KDM7A: variants seen among roughly 807,000 people sequenced by gnomAD.
The protein encoded by KDM7A is lysine-specific demethylase 7A.
A neutral mutation model predicts 114.8 loss-of-function variants in KDM7A; 28 were observed. The ratio of observed to expected loss-of-function variants is 0.24; its 90% CI spans 0.18 to 0.33. The LOEUF is 0.33. KDM7A is among the 10% of genes least tolerant of loss of function. The pLI, the probability that KDM7A is intolerant of heterozygous loss-of-function variation, is 1.00. For synonymous variants in KDM7A, 423 were observed against 397.8 expected (o/e 1.06, Z -0.75); for missense variants, 942 against 1,142.5 (o/e 0.82, Z 2.53).
In KDM7A at chr7:140,113,540, T is replaced by G. The variant is rs1180374158; in HGVS notation, c.1289A>C (p.Gln430Pro). ...AGCAGTATGCAGTGCTTTCACTCCCTGTACTAGGTAAGTTTGAGGCTGGAA... is the reference window on the plus strand; with the variant it reads ...AGCAGTATGCAGTGCTTTCACTCCCGGTACTAGGTAAGTTTGAGGCTGGAA... ...DGFQPQTYLV[Q>P]GVKALHTALK... is the part of the protein sequence containing the mutation. The change falls in exon 10 of 20, where the codon CAG (glutamine) becomes CCG (proline). Residue 430 changes from glutamine to proline, a missense_variant. By Grantham distance (76) the Gln-to-Pro change is moderately conservative (BLOSUM62 -1). Around this residue, in one of 4 missense-constraint regions of KDM7A, gnomAD observed 318 missense variants for 453.1 expected, o/e 0.70. Transcript: ENST00000397560. The G allele has an allele frequency of 6.2e-7, 1 of 1,608,196 alleles. No individual in the cohort carries two copies. Among genetic ancestry groups the G allele is most frequent in the Non-Finnish European group, 8.5e-7 (1 of 1,175,720 alleles).
chr7:140,139,040 A>T, intron 2 of KDM7A, 65 bp downstream of exon 2: 1 of 976,210 alleles, frequency 1.0e-6, no homozygotes, highest in Non-Finnish European at 1.6e-6. Context: ...ATTACCATGT[A>T]CATGTAAGTT....
At chr7:140,145,788 A>G (rs1454582550) in intron 1 of KDM7A, among the ~76,000 whole-genome samples, 1 of 152,198 alleles carries the variant, frequency 6.6e-6, no homozygotes, top group Admixed American at 6.5e-5. Context: ...TGACTGTGAC[A>G]CCAAAAGAAT....
In KDM7A at chr7:140,085,805, C is replaced by T. The variant is rs1204774302; in HGVS notation, c.*5289G>A. The T allele has an allele frequency of 6.6e-6, 1 of 152,092 alleles. No individual in the cohort carries two copies. Among genetic ancestry groups the T allele is most frequent in the Non-Finnish European group, 1.5e-5 (1 of 68,006 alleles). The allele number at this position is 152,092 out of a possible 1,614,324, so 9.4% of individuals were successfully genotyped here. A position where few individuals can be genotyped will look rare whatever the true frequency, so the allele number is the denominator to read the frequency against. Reference sequence around the variant, plus strand: ...ACTGTAATGTGGAAGTTATACGTAGCTCTGTAAAAATAAAAGGTTACTTAT... The same window carrying T: ...ACTGTAATGTGGAAGTTATACGTAGTTCTGTAAAAATAAAAGGTTACTTAT... On this transcript the variant is annotated 3_prime_UTR_variant, in exon 20 of 20. Transcript: ENST00000397560.
intron 6 of KDM7A, 43 bp downstream of exon 6, chr7:140,126,594 T>A (rs780881167): frequency 1.2e-5 from 15 of 1,279,044 alleles, no homozygotes; most frequent in Non-Finnish European, 1.5e-5. Flanking sequence ...ACTAGGGCTA[T>A]ATGTTTTTGT....
intron 1 of KDM7A, among the ~76,000 whole-genome samples, chr7:140,157,845 T>C (rs756723178): frequency 9.9e-5 from 15 of 151,162 alleles, no homozygotes; most frequent in Non-Finnish European, 2.2e-4. Context: ...GGCACACGCC[T>C]GTAATCCCAG....
At chr7:140,124,024 C>T (rs1230720495) in intron 7 of KDM7A, among the ~76,000 whole-genome samples, 3 of 149,366 alleles carry the variant, frequency 2.0e-5, no homozygotes, top group African/African-American at 7.4e-5. Flanking sequence ...GAGCCGACAT[C>T]AGGCCACTGC....
chr7:140,106,955 T>A (rs1818347556), intron 11 of KDM7A, among the ~76,000 whole-genome samples: 1 of 152,092 alleles, frequency 6.6e-6, no homozygotes, highest in Non-Finnish European at 1.5e-5. Context: ...ACTTGCTTTA[T>A]GAATCTGGGT....
chr7:140,147,856 G>A (rs1349296187), intron 1 of KDM7A, among the ~76,000 whole-genome samples: 3 of 152,174 alleles, frequency 2.0e-5, no homozygotes, highest in Non-Finnish European at 4.4e-5. Flanking sequence ...TGTAGAATTA[G>A]AAAGACTTGA....
chr7:140,125,848 G>A (rs1818692393), intron 6 of KDM7A, among the ~76,000 whole-genome samples: 1 of 152,006 alleles, frequency 6.6e-6, no homozygotes, highest in African/African-American at 2.4e-5. Context: ...TGATCTTCCT[G>A]CCTCAGCCTC....
intron 12 of KDM7A, among the ~76,000 whole-genome samples, chr7:140,101,378 A>G (rs528583191): frequency 6.6e-6 from 1 of 152,042 alleles, no homozygotes; most frequent in African/African-American, 2.4e-5. Flanking sequence ...GGCTTTCTGC[A>G]TTTGCTCTTC....
chr7:140,112,047 A>G (rs1422080185), intron 10 of KDM7A, among the ~76,000 whole-genome samples: 3 of 152,182 alleles, frequency 2.0e-5, no homozygotes, highest in African/African-American at 7.2e-5. Flanking sequence ...AGTTTTGGCA[A>G]CATATGCTTT....
intron 1 of KDM7A, among the ~76,000 whole-genome samples, chr7:140,170,652 C>A (rs1415600739): frequency 6.6e-6 from 1 of 152,202 alleles, no homozygotes; most frequent in East Asian, 1.9e-4. Flanking sequence ...AATGAGTTAA[C>A]CAAACATCTA....
rs1165939464 is a variant in KDM7A, at chr7:140,176,809, C to T, written c.129G>A (p.Arg43=). The T allele has an allele frequency of 2.8e-6, 4 of 1,410,220 alleles. No homozygotes were observed. Among genetic ancestry groups the T allele is most frequent in the Admixed American group, 2.1e-5 (1 of 47,390 alleles). The allele number at this position is 1,410,220 out of a possible 1,614,324, so 87.4% of individuals were successfully genotyped here. A position where few individuals can be genotyped will look rare whatever the true frequency, so the allele number is the denominator to read the frequency against. The stretch of plus-strand genomic sequence containing the variant: ...TGAAGCGGTTCACGTCGTACGGCTG[C>T]CGGCACACACAGTACACGGGCGGGG... ...PPPPPVYCVC[R]QPYDVNRFMI... The change falls in exon 1 of 20, where the codon CGG becomes CGA. Residue 43 remains arginine (R), a synonymous_variant. Coordinates refer to ENST00000397560, the MANE Select transcript of KDM7A (RefSeq NM_030647.2). The surrounding 1 kb of genome is among the most constrained non-coding windows in gnomAD (Gnocchi z 4.4).
At chr7:140,124,880 T>C (rs1585151361) in intron 6 of KDM7A, 97 bp from the exon 7 acceptor site, 5 of 711,542 alleles carry the variant, frequency 7.0e-6, no homozygotes, top group East Asian at 5.6e-5. Context: ...ACAAATTAAA[T>C]TGGATAATTA....
intron 17 of KDM7A, chr7:140,095,759 G>T (rs1449003981): frequency 5.8e-6 from 1 of 172,944 alleles, no homozygotes; most frequent in Non-Finnish European, 1.3e-5. Context: ...TGCATCTATA[G>T]TTCCAGCTAC....
At chr7:140,171,581 AT>A (rs372430399) in intron 1 of KDM7A, among the ~76,000 whole-genome samples, 2 of 144,104 alleles carry the variant, frequency 1.4e-5, no homozygotes, top group Admixed American at 1.4e-4. Flanking sequence ...ATATATATAT[AT>A]TTTTATATAG....
At chr7:140,134,812 A>G (rs1417374956) in intron 2 of KDM7A, among the ~76,000 whole-genome samples, 1 of 152,082 alleles carries the variant, frequency 6.6e-6, no homozygotes, top group East Asian at 1.9e-4. Context: ...CATTTTCACA[A>G]TATGTTTTGG....
At chr7:140,166,335 C>CTTT (rs746518929) in intron 1 of KDM7A, among the ~76,000 whole-genome samples, 21 of 128,658 alleles carry the variant, frequency 1.6e-4, no homozygotes, top group South Asian at 2.4e-4. Context: ...CTTTTTTTTC[C>CTTT]TTTTTTTTTT....
At chr7:140,166,655 G>A (rs928019996) in intron 1 of KDM7A, among the ~76,000 whole-genome samples, 9 of 151,972 alleles carry the variant, frequency 5.9e-5, no homozygotes, top group South Asian at 4.1e-4. Flanking sequence ...GTCTTAATAC[G>A]ACAAATTAGT....
Sources: allele counts gnomAD v4.1 joint callset (sites outside exome capture counted in the v4.1 genomes callset), GRCh38; gene constraint gnomAD v4.1.1; regional missense constraint gnomAD v4.1.1; non-coding constraint Gnocchi (gnomAD v3.1); transcripts MANE v1.5; gene names NCBI Gene and HGNC (gene_info 2026-07-23, HGNC 2026-07-21).